The following TYRP1 variants were observed in gnomAD, a reference collection of about 807,000 sequenced individuals.
TYRP1 encodes 5,6-dihydroxyindole-2-carboxylic acid oxidase.
A neutral mutation model predicts 42.8 loss-of-function variants in TYRP1; 49 were observed. The ratio of observed to expected loss-of-function variants is 1.14; its 90% CI spans 0.91 to 1.45. The LOEUF (loss-of-function observed/expected upper bound fraction) is 1.45. Ranked by LOEUF, TYRP1 falls within the 40% of genes most tolerant of loss-of-function variation. The pLI is 0.00. For missense variants in TYRP1, 848 were observed against 662.0 expected, an observed-to-expected ratio of 1.28 and a Z score of -3.08; for synonymous variants, 279 against 235.4, an observed-to-expected ratio of 1.19 and a Z score of -1.69.
In TYRP1 at chr9:12,702,038, CT is replaced by C. The variant is rs376910531; in HGVS notation, c.914-225del. Among the ~76,000 whole-genome samples the C allele has an allele frequency of 4.6e-3, 703 of 151,844 alleles. 4 individuals carry two copies. The highest frequency in any genetic ancestry group is 0.016 in the African/African-American group (656 of 41,440). Reference sequence around the variant, plus strand: ...AACACCTGTATCTGTTAGTGTGATTCTTTTTTTTCCTTCAGATACTTTTATG... The same window carrying C: ...AACACCTGTATCTGTTAGTGTGATTCTTTTTTTCCTTCAGATACTTTTATG... On this transcript the variant is annotated intron_variant, in intron 4 of 7. Transcript: ENST00000388918.
At chr9:12,705,401 A>C (rs1818242047) in intron 6 of TYRP1, among the ~76,000 whole-genome samples, 1 of 152,066 alleles carries the variant, frequency 6.6e-6, no homozygotes, top group Admixed American at 6.6e-5. Context: ...CATAACGCAC[A>C]TAAACCTGAT....
At position 12,710,270 on chromosome 9, in the gene TYRP1, A is replaced by ACAG; in HGVS notation, c.*1088_*1089insCAG. 6.7e-6 allele frequency: 1 copy of ACAG among 149,592 alleles called. No individual in the cohort carries two copies. The highest frequency in any genetic ancestry group is 1.5e-5 in the Non-Finnish European group (1 of 66,720). The allele number at this position is 149,592 out of a possible 1,614,324, so 9.3% of individuals were successfully genotyped here. ...TTGGTAAAAATAAATAATAACAGTA[A>ACAG]TAATCATGCACTATAGAAAATGGCT... On this transcript the variant is annotated 3_prime_UTR_variant, in exon 8 of 8. Transcript: ENST00000388918.
intron 1 of TYRP1, among the ~76,000 whole-genome samples, chr9:12,693,702 G>A (rs1818029845): frequency 1.3e-5 from 2 of 150,462 alleles, no homozygotes; most frequent in South Asian, 2.1e-4. Flanking sequence ...GACGAGGACA[G>A]GGAATTTAAT....
In TYRP1 at chr9:12,707,870, T is replaced by G. The variant is rs900935613; in HGVS notation, c.1262-127T>G. ...GCTGTAGTGAAACTTCATATCTTTA[T>G]TCAGTGTAAAATAAGAATAAAATTT... On this transcript the variant is annotated intron_variant, in intron 6 of 7. Transcript: ENST00000388918. 13 of 863,810 alleles carry G rather than the reference T, an allele frequency of 1.5e-5. No homozygotes were observed. In the African/African-American group the frequency reaches 2.1e-4, roughly 14 times the overall value. 53.5% of individuals were successfully genotyped at this position (863,810 alleles called of 1,614,324 possible).
chr9:12,700,359 A>G (rs1017274952), intron 4 of TYRP1: 5 of 152,078 alleles, frequency 3.3e-5, no homozygotes, highest in Admixed American at 6.6e-5. Flanking sequence ...TATTTCTCCA[A>G]TATTCAAAAT....
chr9:12,699,765 A>G (rs1818136388), intron 4 of TYRP1, among the ~76,000 whole-genome samples: 2 of 152,096 alleles, frequency 1.3e-5, no homozygotes, highest in Non-Finnish European at 2.9e-5. Flanking sequence ...GGATGTCTGC[A>G]GATGCCAAAA....
At chr9:12,695,059 T>G (rs1055594033) in intron 2 of TYRP1, among the ~76,000 whole-genome samples, 9 of 152,202 alleles carry the variant, frequency 5.9e-5, no homozygotes, top group Non-Finnish European at 1.2e-4. Context: ...AAAGCAAGTA[T>G]TATTTTTATC....
chr9:12,696,302 A>G (rs1437068647), intron 3 of TYRP1, among the ~76,000 whole-genome samples: 1 of 152,172 alleles, frequency 6.6e-6, no homozygotes, highest in Non-Finnish European at 1.5e-5. Context: ...TATAGGGTTT[A>G]AATCATGAAA....
Position 12,698,610 on chromosome 9 carries a change from T to C in TYRP1, c.868T>C (p.Cys290Arg). The change falls in exon 4 of 8, where the codon TGT becomes CGT. Residue 290 changes from cysteine to arginine, a missense_variant. Coordinates refer to ENST00000388918, the MANE Select transcript of TYRP1 (RefSeq NM_000550.3). ...NSVFSQWRVV[C>R]DSLEDYDTLG... The stretch of plus-strand genomic sequence containing the variant: ...TGTCTTTTCTCAATGGCGAGTGGTC[T>C]GTGACTCCTTGGAAGATTATGATAC... 1 of 1,613,824 alleles carries C rather than the reference T, an allele frequency of 6.2e-7. No individual in the cohort carries two copies.
chr9:12,709,152 A>T lies in TYRP1; in HGVS notation c.1584A>T (p.Lys528Asn). 6.2e-7 allele frequency: 1 copy of T among 1,611,828 alleles called. No homozygotes were observed. Among genetic ancestry groups the T allele is most frequent in the Non-Finnish European group, 8.5e-7 (1 of 1,178,824 alleles). Residue 528 changes from lysine to asparagine, a missense_variant, in exon 8 of 8, where the codon AAA (lysine) becomes AAT (asparagine). Lys to Asn is a moderately conservative substitution (Grantham distance 94, BLOSUM62 0). Transcript: ENST00000388918. ...AATGCTATGCTGAAGAATATGAAAAACTCCAGAATCCTAATCAGTCTGTGG... is the reference window on the plus strand; with the variant it reads ...AATGCTATGCTGAAGAATATGAAAATCTCCAGAATCCTAATCAGTCTGTGG... ...QYQCYAEEYE[K>N]LQNPNQSVV
chr9:12,694,423 C>G (rs376958394), intron 2 of TYRP1, 42 bp downstream of exon 2: 3 of 1,607,236 alleles, frequency 1.9e-6, no homozygotes, highest in Admixed American at 3.4e-5. Flanking sequence ...CTGCATGAGA[C>G]TCAAGGCTCT....
rs1302310829 is a variant in TYRP1 at position 12,694,006 on chromosome 9, C to A, written c.10C>A (p.Pro4Thr). The change falls in exon 2 of 8, where the codon CCT becomes ACT. Residue 4 changes from proline to threonine, a missense_variant. Pro to Thr is a conservative substitution (Grantham distance 38). Coordinates refer to ENST00000388918, the MANE Select transcript of TYRP1 (RefSeq NM_000550.3). MSA[P>T]KLLSLGCIFF... ...TCTTATTTCAAGCAGAATGAGTGCT[C>A]CTAAACTCCTCTCTCTGGGCTGTAT... is the stretch of plus-strand genomic sequence containing the variant. 1 of 1,613,894 alleles carries A rather than the reference C, an allele frequency of 6.2e-7. No homozygotes were observed. Among genetic ancestry groups the A allele is most frequent in the Non-Finnish European group, 8.5e-7 (1 of 1,179,982 alleles).
chr9:12,696,051 T>C (rs576861257), intron 3 of TYRP1, among the ~76,000 whole-genome samples: 1 of 152,338 alleles, frequency 6.6e-6, no homozygotes, highest in African/African-American at 2.4e-5. Flanking sequence ...GCAAAATCAA[T>C]AATGAGCAAA....
rs1018921653 is a variant in TYRP1 at position 12,693,913 on chromosome 9, T to C, written c.-84T>C. ...CTCATTTTACTTTCTCTTTTTCAGC[T>C]GGATTTTCCTCTACGTGCTTCAGTC... On this transcript the variant is annotated splice_region_variant and 5_prime_UTR_variant, in exon 2 of 8. Coordinates refer to ENST00000388918, the MANE Select transcript of TYRP1 (RefSeq NM_000550.3). 3.8e-6 allele frequency: 6 copies of C among 1,576,622 alleles called. No homozygotes were observed. The African/African-American group carries it at 5.4e-5, about 14-fold the overall frequency.
chr9:12,707,939 A>ATGAT (rs993517359), intron 6 of TYRP1, 58 bp from the exon 7 acceptor site: 3 of 1,516,132 alleles, frequency 2.0e-6, no homozygotes, highest in African/African-American at 2.8e-5. Flanking sequence ...GAACTCAATA[A>ATGAT]TGATAGGAAT....
At position 12,709,107 on chromosome 9, in the gene TYRP1, T is replaced by C. The variant is rs777123864; in HGVS notation, c.1539T>C (p.Pro513=). 7 of 1,612,656 alleles carry C rather than the reference T, an allele frequency of 4.3e-6. No homozygotes were observed. The change falls in exon 8 of 8, where the codon CCT becomes CCC. Residue 513 remains proline, a synonymous_variant. Coordinates refer to ENST00000388918, the MANE Select transcript of TYRP1 (RefSeq NM_000550.3). Reference sequence around the variant, plus strand: ...GCAGTATGGATGAAGCTAACCAGCCTCTCCTCACTGATCAGTATCAATGCT... The same window carrying C: ...GCAGTATGGATGAAGCTAACCAGCCCCTCCTCACTGATCAGTATCAATGCT... The part of the protein sequence containing the change: ...ARRSMDEANQ[P]LLTDQYQCYA...
chr9:12,695,978 T>C (rs1818074165), intron 3 of TYRP1, 141 bp downstream of exon 3: 1 of 860,648 alleles, frequency 1.2e-6, no homozygotes, highest in Non-Finnish European at 1.8e-6. Flanking sequence ...TCTTTGGCAT[T>C]TCGTTTTCTC....
At chr9:12,702,785 A>G (rs1345721475) in intron 5 of TYRP1, among the ~76,000 whole-genome samples, 1 of 152,066 alleles carries the variant, frequency 6.6e-6, no homozygotes, top group Non-Finnish European at 1.5e-5. Flanking sequence ...TTGACAGTGT[A>G]TTAAATTAGT....
At position 12,710,056 on chromosome 9, in the gene TYRP1, T is replaced by C. The variant is rs1419397464; in HGVS notation, c.*874T>C. On this transcript the variant is annotated 3_prime_UTR_variant, in exon 8 of 8. Transcript: ENST00000388918. ...CATTATCTTATCATTTATCAGCCTT[T>C]TATGTATTTTCCAAGTAAAATATTA... The C allele has an allele frequency of 6.6e-6, 1 of 151,796 alleles. No individual in the cohort carries two copies. The highest frequency in any genetic ancestry group is 1.5e-5 in the Non-Finnish European group (1 of 67,810). The allele number at this position is 151,796 out of a possible 1,614,324, so 9.4% of individuals were successfully genotyped here. A position where few individuals can be genotyped will look rare whatever the true frequency, so the allele number is the denominator to read the frequency against.
Sources: gnomAD v4.1 joint callset for allele counts (sites outside exome capture counted in the v4.1 genomes callset) on GRCh38, gnomAD v4.1.1 for gene constraint, MANE v1.5 for transcripts, NCBI Gene and HGNC (gene_info 2026-07-23, HGNC 2026-07-21) for gene names.